The following CSMD1 variants were observed in gnomAD, a reference collection of about 807,000 sequenced individuals.
CSMD1 encodes the protein CUB and sushi domain-containing protein 1.
Under a neutral mutation model 417.5 loss-of-function variants are expected in CSMD1, and 213 were observed. The observed-to-expected ratio is 0.51, with a 90% CI of 0.46 to 0.57. The LOEUF is 0.57. Among genes scored for constraint, CSMD1 ranks in the 20% least tolerant of loss-of-function variants. The pLI, the probability that CSMD1 is intolerant of heterozygous loss-of-function variation, is 0.00. For synonymous variants in CSMD1, 2,862 were observed against 1,736.8 expected (o/e 1.65, Z -16.11); for missense variants, 6,923 against 4,529.7 (o/e 1.53, Z -15.17).
chr8:3,530,409 C>T (rs952120906), intron 10 of CSMD1, among the ~76,000 whole-genome samples: 15 of 152,196 alleles, frequency 9.9e-5, no homozygotes, highest in Admixed American at 2.6e-4. Flanking sequence ...ATTTTTTCTT[C>T]GATCTAATGA....
At chr8:3,521,793 G>C (rs535699585) in intron 10 of CSMD1, among the ~76,000 whole-genome samples, 13 of 152,110 alleles carry the variant, frequency 8.5e-5, no homozygotes, top group Non-Finnish European at 1.8e-4. Flanking sequence ...GAATGACAAA[G>C]AATGGATTCT....
At chr8:3,080,286 AAT>A (rs1813992018) in intron 49 of CSMD1, among the ~76,000 whole-genome samples, 1 of 152,190 alleles carries the variant, frequency 6.6e-6, no homozygotes, top group African/African-American at 2.4e-5. Context: ...CCTCAAGATG[AAT>A]AAGATTAGTG....
intron 40 of CSMD1, among the ~76,000 whole-genome samples, chr8:3,144,689 A>G (rs57402262): frequency 0.091 from 13,783 of 151,860 alleles, 2,161 homozygotes; most frequent in African/African-American, 0.32. Flanking sequence ...TTGTTGAACA[A>G]CCACCAGTGA....
At chr8:3,202,731 G>A (rs1183370686) in intron 31 of CSMD1, among the ~76,000 whole-genome samples, 1 of 152,132 alleles carries the variant, frequency 6.6e-6, no homozygotes, top group Non-Finnish European at 1.5e-5. Context: ...TTAGTATGAC[G>A]GAAGTAATCT....
chr8:4,831,992 C>G (rs1447079322), intron 1 of CSMD1, among the ~76,000 whole-genome samples: 1 of 152,198 alleles, frequency 6.6e-6, no homozygotes, highest in African/African-American at 2.4e-5. Flanking sequence ...ATTCCCACTG[C>G]ACACATAGTC....
chr8:4,489,723 T>C (rs941457058), intron 2 of CSMD1, among the ~76,000 whole-genome samples: 1 of 152,188 alleles, frequency 6.6e-6, no homozygotes, highest in South Asian at 2.1e-4. Flanking sequence ...GCTCACACCC[T>C]GGCTGGCAGG....
At chr8:3,377,114 TC>T (rs1218822933) in intron 18 of CSMD1, among the ~76,000 whole-genome samples, 1 of 148,654 alleles carries the variant, frequency 6.7e-6, no homozygotes, top group African/African-American at 2.4e-5. Flanking sequence ...GCTCAAGTGA[TC>T]CCCCTGCCTC....
intron 2 of CSMD1, among the ~76,000 whole-genome samples, chr8:4,490,855 T>C (rs939487069): frequency 1.3e-5 from 2 of 152,234 alleles, no homozygotes; most frequent in Admixed American, 6.5e-5. Flanking sequence ...TTGCTTATAG[T>C]GTTACAGGAC....
chr8:4,269,324 C>A (rs971826132), intron 3 of CSMD1, among the ~76,000 whole-genome samples: 10 of 152,272 alleles, frequency 6.6e-5, no homozygotes, highest in African/African-American at 2.4e-4. Flanking sequence ...CTGGCCTCCC[C>A]CAAAGTGCTG....
rs537148480 is a variant in CSMD1 at position 3,828,523 on chromosome 8, T to C, written c.819-74481A>G. On this transcript the variant is annotated intron_variant, in intron 5 of 69. Transcript: ENST00000635120. ...TTTCCCAAACACTAGTTATCTATAA[T>C]TCCTCTCCTTTTTCCACCTTCTTGT... is the stretch of plus-strand genomic sequence containing the variant. Among the ~76,000 whole-genome samples the C allele has an allele frequency of 2.6e-5, 4 of 152,268 alleles. No homozygotes were observed. In the East Asian group the frequency reaches 7.7e-4, roughly 29 times the overall value.
At chr8:4,719,661 T>G (rs1808923414) in intron 1 of CSMD1, among the ~76,000 whole-genome samples, 1 of 152,198 alleles carries the variant, frequency 6.6e-6, no homozygotes, top group Non-Finnish European at 1.5e-5. Context: ...AAATTTCCAT[T>G]TATTTGTACT....
chr8:3,839,195 TTAATATG>T (rs1802933898), intron 5 of CSMD1, among the ~76,000 whole-genome samples: 1 of 126,336 alleles, frequency 7.9e-6, no homozygotes, highest in South Asian at 2.3e-4. Context: ...AATAAATAAA[TTAATATG>T]TAATAAATTA....
chr8:3,113,467 G>T (rs1256203360), intron 42 of CSMD1: 1 of 152,212 alleles, frequency 6.6e-6, no homozygotes, highest in Non-Finnish European at 1.5e-5. Context: ...AGCACATAAA[G>T]ATAAGAAAGC....
chr8:4,031,563 G>A (rs555798762), intron 4 of CSMD1, among the ~76,000 whole-genome samples: 1 of 152,136 alleles, frequency 6.6e-6, no homozygotes, highest in Admixed American at 6.5e-5. Context: ...TGAGGTTTGG[G>A]TGAGGACAGA....
chr8:4,370,445 A>G (rs534006465), intron 3 of CSMD1, among the ~76,000 whole-genome samples: 1 of 152,206 alleles, frequency 6.6e-6, no homozygotes, highest in East Asian at 1.9e-4. Context: ...ATAATATCTC[A>G]TGGAGATTCT....
At chr8:4,181,431 C>T (rs1317760251) in intron 3 of CSMD1, among the ~76,000 whole-genome samples, 1 of 151,662 alleles carries the variant, frequency 6.6e-6, no homozygotes, top group South Asian at 2.1e-4. Context: ...CCCTGGGCAA[C>T]ATTGGAAAAA....
At chr8:2,999,846 T>G in intron 53 of CSMD1, 112 bp downstream of exon 53, 1 of 918,988 alleles carries the variant, frequency 1.1e-6, no homozygotes, top group Non-Finnish European at 1.6e-6. Flanking sequence ...ACTGAAAGTT[T>G]GCTGTTCCCT....
intron 3 of CSMD1, among the ~76,000 whole-genome samples, chr8:4,052,216 T>C (rs1164394425): frequency 6.6e-6 from 1 of 152,134 alleles, no homozygotes; most frequent in Non-Finnish European, 1.5e-5. Flanking sequence ...TGAGCCACCG[T>C]GCCCACCCAG....
At chr8:4,257,634 G>A (rs542919026) in intron 3 of CSMD1, among the ~76,000 whole-genome samples, 1 of 152,282 alleles carries the variant, frequency 6.6e-6, no homozygotes, top group East Asian at 1.9e-4. Flanking sequence ...TACTGTTTCA[G>A]GAAATACATC....
Sources: gnomAD v4.1 joint callset for allele counts (sites outside exome capture counted in the v4.1 genomes callset) on GRCh38, gnomAD v4.1.1 for gene constraint, MANE v1.5 for transcripts, NCBI Gene and HGNC (gene_info 2026-07-23, HGNC 2026-07-21) for gene names.